EFNA3: variants seen among roughly 807,000 people sequenced by gnomAD.
EFNA3 encodes ephrin A3, also known as ephrin-A3.
Under a neutral mutation model 25.0 loss-of-function variants are expected in EFNA3, and 15 were observed. The observed-to-expected ratio is 0.60, with a 90% CI of 0.40 to 0.92. EFNA3 has a LOEUF of 0.92. EFNA3 is among the 40% of genes least tolerant of loss of function. EFNA3 has a pLI of 0.00. For missense variants in EFNA3, 298 were observed against 323.8 expected, an observed-to-expected ratio of 0.92 and a Z score of 0.61; for synonymous variants, 153 against 145.6, an observed-to-expected ratio of 1.05 and a Z score of -0.37.
rs1663436989 is a variant in EFNA3 at position 155,085,493 on chromosome 1, C to CGGCGCGGCGGGCGCCAGGT, written c.442+90_442+108dup. On this transcript the variant is annotated intron_variant, in intron 2 of 4. Coordinates refer to ENST00000368408, the MANE Select transcript of EFNA3 (RefSeq NM_004952.5). The surrounding 1 kb of genome is among the most constrained non-coding windows in gnomAD (Gnocchi z 4.4). ...GAGCCCCTAGGCTCCGGGGCGGGGC[C>CGGCGCGGCGGGCGCCAGGT]GGCGCGGCGGGCGCCAGGTCTCGCG... is the stretch of plus-strand genomic sequence containing the variant. 1.6e-5 allele frequency: 23 copies of CGGCGCGGCGGGCGCCAGGT among 1,423,232 alleles called. No individual in the cohort carries two copies. In the South Asian group the frequency reaches 3.1e-4, roughly 19 times the overall value. The allele number at this position is 1,423,232 out of a possible 1,614,324, so 88.2% of individuals were successfully genotyped here. A position where few individuals can be genotyped will look rare whatever the true frequency, so the allele number is the denominator to read the frequency against.
rs192235055 is a variant in EFNA3, at chr1:155,081,485, A to G, written c.128+2416A>G. Among the ~76,000 whole-genome samples, 458 of 152,326 alleles carry G rather than the reference A, an allele frequency of 3.0e-3. 1 individual carries two copies. The highest frequency in any genetic ancestry group is 0.028 in the South Asian group (133 of 4,818). ...GAGCTTCGGGAACATCTTTCTATAT[A>G]GCTGTCTCTCGACCTATCTCTGAAA... is the stretch of plus-strand genomic sequence containing the variant. On this transcript the variant is annotated intron_variant, in intron 1 of 4. Transcript: ENST00000368408. This position sits in a 1 kb window ranked among gnomAD's most constrained non-coding sequence, Gnocchi z 5.2.
chr1:155,080,648 G>A lies in EFNA3; in HGVS notation c.128+1579G>A, dbSNP rs1338294798. ...AGCGTTCTTAGGGGAAGCCAGAGCC[G>A]GGGAGGATGCGGGAATAGGTTTGGT... On this transcript the variant is annotated intron_variant, in intron 1 of 4. Coordinates refer to ENST00000368408, the MANE Select transcript of EFNA3 (RefSeq NM_004952.5). This position sits in a 1 kb window ranked among gnomAD's most constrained non-coding sequence, Gnocchi z 7.0. 6.6e-6 allele frequency among the ~76,000 whole-genome samples: 1 copy of A among 152,202 alleles called. No homozygotes were observed. The highest frequency in any genetic ancestry group is 1.5e-5 in the Non-Finnish European group (1 of 68,016).
rs755762771 is a variant in EFNA3, at chr1:155,080,546, C to G, written c.128+1477C>G. On this transcript the variant is annotated intron_variant, in intron 1 of 4. Coordinates refer to ENST00000368408, the MANE Select transcript of EFNA3 (RefSeq NM_004952.5). This position sits in a 1 kb window ranked among gnomAD's most constrained non-coding sequence, Gnocchi z 7.0. ...CCCAGACTCACACGTCCGCCCCCCA[C>G]CCCGCTAGAGTCTGGCGGGGAACGG... 3.3e-5 allele frequency among the ~76,000 whole-genome samples: 5 copies of G among 152,110 alleles called. No homozygotes were observed. Among genetic ancestry groups the G allele is most frequent in the Non-Finnish European group, 7.4e-5 (5 of 67,984 alleles).
chr1:155,086,897 C>A lies in EFNA3; in HGVS notation c.*354C>A. On this transcript the variant is annotated 3_prime_UTR_variant, in exon 5 of 5. Transcript: ENST00000368408. ...GTCCCCCCAGAGAGACATATGCCCC[C>A]AGAGAGAGCAAATCGAAGCGTGGGA... 4.6e-6 allele frequency: 1 copy of A among 217,254 alleles called. No individual in the cohort carries two copies. Among genetic ancestry groups the A allele is most frequent in the African/African-American group, 2.3e-5 (1 of 43,242 alleles). The allele number at this position is 217,254 out of a possible 1,614,324, so 13.5% of individuals were successfully genotyped here.
In EFNA3 at chr1:155,085,528, A is replaced by T; in HGVS notation, c.442+124A>T. The stretch of plus-strand genomic sequence containing the variant: ...GGCGCCAGGTCTCGCGGCTGAGACC[A>T]GGGAGGAGGCGTGGGCACGGGACGC... On this transcript the variant is annotated intron_variant, in intron 2 of 4. Transcript: ENST00000368408. This position sits in a 1 kb window ranked among gnomAD's most constrained non-coding sequence, Gnocchi z 4.4. 1 of 1,229,134 alleles carries T rather than the reference A, an allele frequency of 8.1e-7. No homozygotes were observed. The highest frequency in any genetic ancestry group is 1.1e-6 in the Non-Finnish European group (1 of 906,382). 76.1% of individuals were successfully genotyped at this position (1,229,134 alleles called of 1,614,324 possible).
intron 4 of EFNA3, 69 bp downstream of exon 4, chr1:155,086,274 C>T (rs1178841701): frequency 2.2e-5 from 35 of 1,594,806 alleles, no homozygotes; most frequent in Non-Finnish European, 3.0e-5. Context: ...TGCCTGCTCA[C>T]CTCGCATGCC....
chr1:155,086,210 GTC>G lies in EFNA3; in HGVS notation c.586+7_586+8del. On this transcript the variant is annotated splice_donor_region_variant and intron_variant, in intron 4 of 4. Coordinates refer to ENST00000368408, the MANE Select transcript of EFNA3 (RefSeq NM_004952.5). ...ATGTGAAGATCAACGTGCTGGGTGA[GTC>G]TGCGCAGCGCCCTCTGGTGGCCACT... 4.3e-6 allele frequency: 7 copies of G among 1,613,742 alleles called. No individual in the cohort carries two copies. Among genetic ancestry groups the G allele is most frequent in the Non-Finnish European group, 4.2e-6 (5 of 1,179,796 alleles).
chr1:155,086,570 A>G lies in EFNA3; in HGVS notation c.*27A>G. On this transcript the variant is annotated 3_prime_UTR_variant, in exon 5 of 5. Coordinates refer to ENST00000368408, the MANE Select transcript of EFNA3 (RefSeq NM_004952.5). ...TCTGCCCCCTCCCCTGGGGGGGGAG[A>G]GATGGGGCGGGGCTTGGAAGGAGCA... The G allele has an allele frequency of 6.2e-7, 1 of 1,609,354 alleles. No homozygotes were observed. Among genetic ancestry groups the G allele is most frequent in the East Asian group, 2.2e-5 (1 of 44,700 alleles).
chr1:155,086,436 C>T lies in EFNA3; in HGVS notation c.610C>T (p.Gln204Ter). Residue 204 changes from glutamine (Q) to a stop codon, truncating the protein, a stop_gained, in exon 5 of 5, where the codon CAG (glutamine) becomes TAG (stop). Coordinates refer to ENST00000368408, the MANE Select transcript of EFNA3 (RefSeq NM_004952.5). LOFTEE classifies it high-confidence loss of function. ...AGAAGACTTTGAGGGAGAGAACCCT[C>T]AGGTGCCCAAGCTTGAGAAGAGCAT... ...VLEDFEGENPQVPKLEKSISG... is the reference protein window; with the variant it reads ...VLEDFEGENP 6.2e-7 allele frequency: 1 copy of T among 1,614,114 alleles called. No homozygotes were observed. The highest frequency in any genetic ancestry group is 8.5e-7 in the Non-Finnish European group (1 of 1,179,970).
chr1:155,083,074 G>A (rs1240209483), intron 1 of EFNA3, among the ~76,000 whole-genome samples: 1 of 152,204 alleles, frequency 6.6e-6, no homozygotes. Flanking sequence ...CCCTTCACCT[G>A]TGGTCGCCCT....
chr1:155,086,220 C>T lies in EFNA3; in HGVS notation c.586+15C>T. 6.2e-7 allele frequency: 1 copy of T among 1,613,560 alleles called. No homozygotes were observed. Among genetic ancestry groups the T allele is most frequent in the Non-Finnish European group, 8.5e-7 (1 of 1,179,644 alleles). On this transcript the variant is annotated intron_variant, in intron 4 of 4. Transcript: ENST00000368408. Reference sequence around the variant, plus strand: ...CAACGTGCTGGGTGAGTCTGCGCAGCGCCCTCTGGTGGCCACTGCTGGAAC... The same window carrying T: ...CAACGTGCTGGGTGAGTCTGCGCAGTGCCCTCTGGTGGCCACTGCTGGAAC...
In EFNA3 at chr1:155,085,545, A is replaced by C; in HGVS notation, c.442+141A>C. On this transcript the variant is annotated intron_variant, in intron 2 of 4. Transcript: ENST00000368408. The surrounding 1 kb of genome is among the most constrained non-coding windows in gnomAD (Gnocchi z 4.4). ...CTGAGACCAGGGAGGAGGCGTGGGC[A>C]CGGGACGCCTGAGGGGTTCAGCTCA... 2 of 1,071,496 alleles carry C rather than the reference A, an allele frequency of 1.9e-6. No individual in the cohort carries two copies. Among genetic ancestry groups the C allele is most frequent in the Non-Finnish European group, 2.6e-6 (2 of 765,028 alleles). The allele number at this position is 1,071,496 out of a possible 1,614,324, so 66.4% of individuals were successfully genotyped here.
chr1:155,086,619 G>T lies in EFNA3; in HGVS notation c.*76G>T. 1 of 1,569,844 alleles carries T rather than the reference G, an allele frequency of 6.4e-7. No individual in the cohort carries two copies. Among genetic ancestry groups the T allele is most frequent in the Non-Finnish European group, 8.6e-7 (1 of 1,157,598 alleles). On this transcript the variant is annotated 3_prime_UTR_variant, in exon 5 of 5. Coordinates refer to ENST00000368408, the MANE Select transcript of EFNA3 (RefSeq NM_004952.5). ...CAGGGAGCCTTTGGCCTCTCCAAGG[G>T]AAGCCTAGTGGGCCTAGACCCCTCC...
chr1:155,082,744 G>A (rs1663367217), intron 1 of EFNA3, among the ~76,000 whole-genome samples: 1 of 144,092 alleles, frequency 6.9e-6, no homozygotes, highest in African/African-American at 2.5e-5. Context: ...CCACCCTTCC[G>A]CAGGAGGCGC....
In EFNA3 at chr1:155,079,063, A is replaced by G; in HGVS notation, c.122A>G (p.Asn41Ser). 2 of 1,347,414 alleles carry G rather than the reference A, an allele frequency of 1.5e-6. No individual in the cohort carries two copies. The highest frequency in any genetic ancestry group is 1.5e-5 in the African/African-American group (1 of 65,328). The allele number at this position is 1,347,414 out of a possible 1,614,324, so 83.5% of individuals were successfully genotyped here. A position where few individuals can be genotyped will look rare whatever the true frequency, so the allele number is the denominator to read the frequency against. ...CATGCGGTGTACTGGAACAGCTCCA[A>G]CCAGCAGTGAGTCGGGGACCCTGGG... ...NRHAVYWNSS[N>S]QHLRREGYTV... is the part of the protein sequence containing the mutation. The change falls in exon 1 of 5, where the codon AAC becomes AGC. Residue 41 changes from asparagine to serine, a missense_variant. Physicochemically the swap from Asn to Ser is conservative, Grantham distance 46. Transcript: ENST00000368408. This position sits in a 1 kb window ranked among gnomAD's most constrained non-coding sequence, Gnocchi z 7.7.
Position 155,081,792 on chromosome 1 carries a change from C to T in EFNA3, c.128+2723C>T, listed in dbSNP as rs1386131383. Reference sequence around the variant, plus strand: ...TCTGCGTCTCTCTCGCACTGTGTCTCCCTTCCTTTCCCCTTTCAGTGAATC... The same window carrying T: ...TCTGCGTCTCTCTCGCACTGTGTCTTCCTTCCTTTCCCCTTTCAGTGAATC... On this transcript the variant is annotated intron_variant, in intron 1 of 4. Coordinates refer to ENST00000368408, the MANE Select transcript of EFNA3 (RefSeq NM_004952.5). This position sits in a 1 kb window ranked among gnomAD's most constrained non-coding sequence, Gnocchi z 5.2. 6.6e-6 allele frequency among the ~76,000 whole-genome samples: 1 copy of T among 152,210 alleles called. No individual in the cohort carries two copies. The highest frequency in any genetic ancestry group is 1.5e-5 in the Non-Finnish European group (1 of 68,038).
In EFNA3 at chr1:155,078,883, G is replaced by A; in HGVS notation, c.-59G>A. On this transcript the variant is annotated 5_prime_UTR_variant, in exon 1 of 5. Transcript: ENST00000368408. ...GGCGGCGGCAGCAGGGAGCTGGGAA[G>A]CGGAGAAGCCGGGAGCGCGGGGCTC... 1 of 1,334,564 alleles carries A rather than the reference G, an allele frequency of 7.5e-7. No individual in the cohort carries two copies. The highest frequency in any genetic ancestry group is 9.6e-7 in the Non-Finnish European group (1 of 1,044,726). The allele number at this position is 1,334,564 out of a possible 1,614,324, so 82.7% of individuals were successfully genotyped here.
chr1:155,086,792 A>C lies in EFNA3; in HGVS notation c.*249A>C. 2.1e-6 allele frequency: 1 copy of C among 468,758 alleles called. No homozygotes were observed. The allele number at this position is 468,758 out of a possible 1,614,324, so 29.0% of individuals were successfully genotyped here. A position where few individuals can be genotyped will look rare whatever the true frequency, so the allele number is the denominator to read the frequency against. ...TGGCTCTGGTAATGTTTGGTACCAA[A>C]CTTGGGGGCCAAAAAGGGCAGTGCT... On this transcript the variant is annotated 3_prime_UTR_variant, in exon 5 of 5. Transcript: ENST00000368408.
Position 155,078,947 on chromosome 1 carries a change from G to A in EFNA3, c.6G>A (p.Ala2=), listed in dbSNP as rs1663284525. Residue 2 remains alanine (A), a synonymous_variant, in exon 1 of 5, where the codon GCG becomes GCA. Transcript: ENST00000368408. Reference sequence around the variant, plus strand: ...CGGCGGCGGCGGCTCCGGGGATGGCGGCGGCTCCGCTGCTGCTGCTGCTGC... The same window carrying A: ...CGGCGGCGGCGGCTCCGGGGATGGCAGCGGCTCCGCTGCTGCTGCTGCTGC... M[A]AAPLLLLLLL... is the part of the protein sequence containing the mutation. 4 of 1,408,730 alleles carry A rather than the reference G, an allele frequency of 2.8e-6. No individual in the cohort carries two copies. Among genetic ancestry groups the A allele is most frequent in the Non-Finnish European group, 2.8e-6 (3 of 1,081,030 alleles). 87.3% of individuals were successfully genotyped at this position (1,408,730 alleles called of 1,614,324 possible). A position where few individuals can be genotyped will look rare whatever the true frequency, so the allele number is the denominator to read the frequency against.
Sources: gnomAD v4.1 joint callset for allele counts (sites outside exome capture counted in the v4.1 genomes callset) on GRCh38, gnomAD v4.1.1 for gene constraint, Gnocchi (gnomAD v3.1) non-coding constraint, MANE v1.5 for transcripts, NCBI Gene and HGNC (gene_info 2026-07-23, HGNC 2026-07-21) for gene names.